Variants in ECT2L observed in about 807,000 individuals in gnomAD.
ECT2L encodes epithelial cell-transforming sequence 2 oncogene-like.
A neutral mutation model predicts 122.8 loss-of-function variants in ECT2L; 126 were observed. That is an observed-to-expected ratio of 1.03 (90% CI 0.89 to 1.19). The LOEUF (loss-of-function observed/expected upper bound fraction) is 1.19. ECT2L is among the 50% of genes most tolerant of loss of function. The pLI, the probability that ECT2L is intolerant of heterozygous loss-of-function variation, is 0.00. For missense variants in ECT2L, 1,012 were observed against 1,064.1 expected (o/e 0.95, Z 0.68); for synonymous variants, 385 against 381.8 (o/e 1.01, Z -0.10).
intron 12 of ECT2L, among the ~76,000 whole-genome samples, chr6:138,867,145 A>G (rs1468820566): frequency 3.9e-5 from 6 of 152,188 alleles, no homozygotes; most frequent in Non-Finnish European, 8.8e-5. Flanking sequence ...GAGAATATAG[A>G]GGAACTCCTG....
intron 4 of ECT2L, among the ~76,000 whole-genome samples, chr6:138,826,028 G>A (rs988486263): frequency 3.3e-5 from 5 of 152,062 alleles, no homozygotes; most frequent in African/African-American, 7.2e-5. Context: ...TTCCCTCTTC[G>A]CCCAGTTCGC....
chr6:138,902,626 G>C lies in ECT2L; in HGVS notation c.2714G>C (p.Ter905SerextTer4). 6.2e-7 allele frequency: 1 copy of C among 1,613,486 alleles called. No individual in the cohort carries two copies. Among genetic ancestry groups the C allele is most frequent in the Non-Finnish European group, 8.5e-7 (1 of 1,179,762 alleles). Reference protein sequence around the residue: ...RNAIKSSMEK* With the variant: ...RNAIKSSMEKS ...GCAATCAAAAGCAGTATGGAGAAGT[G>C]AGACCGAACTTGAAAACTTCAGGGG... The change falls in exon 22 of 22, where the codon TGA becomes TCA. Residue 905 changes from the stop codon to serine (S), a stop_lost. Coordinates refer to ENST00000541398, the MANE Select transcript of ECT2L (RefSeq NM_001077706.3).
At chr6:138,838,971 G>A (rs1776944138) in intron 5 of ECT2L, among the ~76,000 whole-genome samples, 2 of 152,120 alleles carry the variant, frequency 1.3e-5, no homozygotes, top group South Asian at 2.1e-4. Flanking sequence ...TAGTAGAGAC[G>A]GGGTTTTACC....
rs373316591 is a variant in ECT2L at position 138,814,474 on chromosome 6, T to C, written c.67-17T>C. 18 of 1,522,570 alleles carry C rather than the reference T, an allele frequency of 1.2e-5. No individual in the cohort carries two copies. Among genetic ancestry groups the C allele is most frequent in the African/African-American group, 2.7e-5 (2 of 72,986 alleles). 94.3% of individuals were successfully genotyped at this position (1,522,570 alleles called of 1,614,324 possible). A position where few individuals can be genotyped will look rare whatever the true frequency, so the allele number is the denominator to read the frequency against. On this transcript the variant is annotated splice_polypyrimidine_tract_variant and intron_variant, in intron 3 of 21. Transcript: ENST00000541398. ...GAACTGTACAGCAAATGTCACTTCC[T>C]CCCCTCCCCCTTATAGCTCTTTCAG...
At chr6:138,799,277 G>A (rs1372686781) in intron 1 of ECT2L, among the ~76,000 whole-genome samples, 3 of 150,242 alleles carry the variant, frequency 2.0e-5, no homozygotes, top group Non-Finnish European at 4.4e-5. Context: ...TTTTTGAGAC[G>A]GAGTCTCGCT....
chr6:138,796,863 A>C (rs1413334582), intron 1 of ECT2L, among the ~76,000 whole-genome samples: 2 of 152,256 alleles, frequency 1.3e-5, no homozygotes, highest in Non-Finnish European at 2.9e-5. Flanking sequence ...AGCCTGTTAA[A>C]GTCTGTTCTG....
At chr6:138,827,249 G>A (rs1312720551) in intron 4 of ECT2L, among the ~76,000 whole-genome samples, 1 of 152,076 alleles carries the variant, frequency 6.6e-6, no homozygotes, top group Non-Finnish European at 1.5e-5. Flanking sequence ...TCTGGAGGCT[G>A]ACGCAGGAGA....
intron 4 of ECT2L, among the ~76,000 whole-genome samples, chr6:138,826,941 C>T (rs1430782548): frequency 6.6e-6 from 1 of 152,160 alleles, no homozygotes; most frequent in East Asian, 1.9e-4. Context: ...CTTCACCTTC[C>T]ACCATGATTG....
intron 5 of ECT2L, among the ~76,000 whole-genome samples, chr6:138,842,113 GCTT>G (rs1454674205): frequency 2.6e-5 from 4 of 152,108 alleles, no homozygotes; most frequent in South Asian, 2.1e-4. Context: ...AACAAGATAC[GCTT>G]CTTATTTCCA....
rs201180157 is a variant in ECT2L, at chr6:138,885,583, C to A, written c.2102+4C>A. On this transcript the variant is annotated splice_donor_region_variant and intron_variant, in intron 17 of 21. Transcript: ENST00000541398. ...CCATTGTTACCAAAATGCTGAGGTA[C>A]GTTCTGAGGGAGAGCACAGCAGGGG... 6.8e-6 allele frequency: 11 copies of A among 1,613,984 alleles called. No individual in the cohort carries two copies. Among genetic ancestry groups the A allele is most frequent in the Non-Finnish European group, 8.5e-6 (10 of 1,180,010 alleles).
At chr6:138,902,009 T>C (rs1203264431) in intron 21 of ECT2L, among the ~76,000 whole-genome samples, 5 of 152,246 alleles carry the variant, frequency 3.3e-5, no homozygotes, top group Admixed American at 1.3e-4. Flanking sequence ...GGTTAGTGTA[T>C]GAAACATGTC....
chr6:138,815,485 C>T (rs1208402064), intron 4 of ECT2L, among the ~76,000 whole-genome samples: 25 of 152,266 alleles, frequency 1.6e-4, no homozygotes, highest in Admixed American at 1.6e-3. Context: ...CCCTCAATGC[C>T]AGATAAAAAG....
At position 138,846,524 on chromosome 6, in the gene ECT2L, C is replaced by A; in HGVS notation, c.765-15C>A. ...GAGAAAATGAAAACTTCTCATATTT[C>A]CTTTTACTCCATAGAAGCAATATTT... On this transcript the variant is annotated splice_polypyrimidine_tract_variant and intron_variant, in intron 7 of 21. Transcript: ENST00000541398. 1.3e-6 allele frequency: 2 copies of A among 1,561,780 alleles called. No homozygotes were observed. The highest frequency in any genetic ancestry group is 1.2e-5 in the South Asian group (1 of 81,120).
chr6:138,893,654 T>C (rs1371967613), intron 20 of ECT2L, among the ~76,000 whole-genome samples: 2 of 152,120 alleles, frequency 1.3e-5, no homozygotes, highest in Non-Finnish European at 2.9e-5. Context: ...ACTCCTGACC[T>C]CAAATGATCC....
chr6:138,822,904 T>G (rs1402839517), intron 4 of ECT2L: 1 of 1,613,806 alleles, frequency 6.2e-7, no homozygotes, highest in African/African-American at 1.3e-5. Context: ...ATAGCTTTCG[T>G]CATTGGACTT....
chr6:138,894,860 A>G (rs757115583), intron 20 of ECT2L, among the ~76,000 whole-genome samples: 1 of 152,068 alleles, frequency 6.6e-6, no homozygotes, highest in Non-Finnish European at 1.5e-5. Context: ...AATAAACTCT[A>G]CTTATATTGA....
At chr6:138,838,207 A>C (rs950082635) in intron 4 of ECT2L, 145 bp from the exon 5 acceptor site, 22 of 902,524 alleles carry the variant, frequency 2.4e-5, no homozygotes, top group Non-Finnish European at 3.3e-5. Context: ...TGGCCTGAAA[A>C]TTTTTTAAAT....
intron 4 of ECT2L, among the ~76,000 whole-genome samples, chr6:138,829,624 T>A (rs1278720379): frequency 6.6e-6 from 1 of 152,204 alleles, no homozygotes; most frequent in Non-Finnish European, 1.5e-5. Context: ...ACTCCCTATA[T>A]CATTACTGAA....
At chr6:138,878,542 G>T in intron 14 of ECT2L, among the ~76,000 whole-genome samples, 1 of 152,158 alleles carries the variant, frequency 6.6e-6, no homozygotes, top group African/African-American at 2.4e-5. Flanking sequence ...TGCCTCCCAG[G>T]TTCCAGTGAT....
Sources: gnomAD v4.1 joint callset for allele counts (sites outside exome capture counted in the v4.1 genomes callset) on GRCh38, gnomAD v4.1.1 for gene constraint, MANE v1.5 for transcripts, NCBI Gene and HGNC (gene_info 2026-07-23, HGNC 2026-07-21) for gene names.